ABCA12: variants seen among roughly 807,000 people sequenced by gnomAD.
ABCA12 encodes glucosylceramide transporter ABCA12.
A neutral mutation model predicts 293.5 loss-of-function variants in ABCA12; 156 were observed. That is an observed-to-expected ratio of 0.53 (90% CI 0.47 to 0.61). The LOEUF (loss-of-function observed/expected upper bound fraction) is 0.61, where lower values mean the gene tolerates loss of function less well. ABCA12 is among the 20% of genes least tolerant of loss of function. The pLI, the probability that ABCA12 is intolerant of heterozygous loss-of-function variation, is 0.00. For synonymous variants in ABCA12, 1,063 were observed against 1,108.0 expected, an observed-to-expected ratio of 0.96 and a Z score of 0.81; for missense variants, 2,797 against 3,090.2, an observed-to-expected ratio of 0.91 and a Z score of 2.25.
chr2:214,980,723 A>G, intron 30 of ABCA12, 80 bp from the exon 31 acceptor site: 1 of 1,539,484 alleles, frequency 6.5e-7, no homozygotes, highest in Non-Finnish European at 9.0e-7. Flanking sequence ...GCCAGAGTAA[A>G]TCCTGTGACA....
chr2:215,065,063 C>A (rs1391047255), intron 2 of ABCA12, among the ~76,000 whole-genome samples: 2 of 151,700 alleles, frequency 1.3e-5, no homozygotes, highest in Middle Eastern at 3.4e-3. Flanking sequence ...CAGTAATTTT[C>A]ATAGTGAGGG....
chr2:214,966,202 A>G (rs111811476), intron 39 of ABCA12, among the ~76,000 whole-genome samples: 2,223 of 152,288 alleles, frequency 0.015, 58 homozygotes, highest in African/African-American at 0.051. Flanking sequence ...ACATGGACAC[A>G]TGGTGGGGAA....
rs935973983 is a variant in ABCA12, at chr2:215,012,031, C to G, written c.2061G>C (p.Leu687=). Residue 687 remains leucine, a synonymous_variant, in exon 16 of 53, where the codon CTG becomes CTC. Coordinates refer to ENST00000272895, the MANE Select transcript of ABCA12 (RefSeq NM_173076.3). ...LNQMASGTHP[L]LDKMRSLKQM... ...GCTTCAGGGATCTCATTTTGTCTAG[C>G]AGCGGATGTGTGCCAGAAGCCATCT... The G allele has an allele frequency of 1.2e-6, 2 of 1,613,960 alleles. No homozygotes were observed. Among genetic ancestry groups the G allele is most frequent in the South Asian group, 1.1e-5 (1 of 91,080 alleles).
In ABCA12 at chr2:215,132,493, C is replaced by T. The variant is rs567692658; in HGVS notation, c.69+5647G>A. Among the ~76,000 whole-genome samples the T allele has an allele frequency of 1.1e-4, 16 of 150,526 alleles. No homozygotes were observed. The East Asian group carries it at 2.7e-3, about 26-fold the overall frequency. ...TGAGCCTTTTATCATTACACAATGC[C>T]TTTGTCTTTTTTTTTTAACTGTTGT... On this transcript the variant is annotated intron_variant, in intron 1 of 52. Transcript: ENST00000272895.
intron 11 of ABCA12, among the ~76,000 whole-genome samples, chr2:215,024,324 G>A (rs577280604): frequency 1.3e-5 from 2 of 152,256 alleles, no homozygotes; most frequent in East Asian, 3.9e-4. Context: ...TTTGGGGTAA[G>A]AGGCTATGTC....
At chr2:215,114,823 T>C (rs1303136606) in intron 1 of ABCA12, among the ~76,000 whole-genome samples, 2 of 152,220 alleles carry the variant, frequency 1.3e-5, no homozygotes, top group Admixed American at 1.3e-4. Context: ...AGTTTTGTAT[T>C]TGAGGTCATA....
intron 2 of ABCA12, 141 bp from the exon 3 acceptor site, chr2:215,064,360 TA>T: frequency 1.2e-6 from 1 of 806,118 alleles, no homozygotes; most frequent in South Asian, 1.5e-5. Context: ...ACTCTGCAAC[TA>T]ACACTCACCA....
intron 29 of ABCA12, 132 bp from the exon 30 acceptor site, chr2:214,982,515 G>C (rs1401844779): frequency 4.4e-6 from 3 of 676,900 alleles, no homozygotes; most frequent in East Asian, 5.5e-5. Flanking sequence ...ATAAACTCTT[G>C]AGGATTCATA....
At chr2:215,098,821 A>T (rs754687530) in intron 2 of ABCA12, among the ~76,000 whole-genome samples, 4 of 152,238 alleles carry the variant, frequency 2.6e-5, no homozygotes, top group Non-Finnish European at 5.9e-5. Context: ...TAGCTCAAAA[A>T]CATTTAATGA....
Position 215,136,044 on chromosome 2 carries a change from A to G in ABCA12, c.69+2096T>C, listed in dbSNP as rs1703220014. Among the ~76,000 whole-genome samples the G allele has an allele frequency of 2.0e-5, 3 of 152,118 alleles. 1 individual carries two copies. The highest frequency in any genetic ancestry group is 7.2e-5 in the African/African-American group (3 of 41,510). ...ATAATGGATTCAGGTTGGCCTCTGT[A>G]TTGTCCCAAATTTTGGACTTTCTCT... On this transcript the variant is annotated intron_variant, in intron 1 of 52. Coordinates refer to ENST00000272895, the MANE Select transcript of ABCA12 (RefSeq NM_173076.3).
chr2:215,091,185 AT>A lies in ABCA12; in HGVS notation c.163+20411del, dbSNP rs369454498. Among the ~76,000 whole-genome samples the A allele has an allele frequency of 7.4e-3, 1,127 of 151,774 alleles. 13 individuals carry two copies. The highest frequency in any genetic ancestry group is 0.012 in the Non-Finnish European group (801 of 67,912). On this transcript the variant is annotated intron_variant, in intron 2 of 52. Transcript: ENST00000272895. ...CTCCACCCCAAGCAGAGTCCTCTGA[AT>A]CCTCTTTTTCTATGGGCCCATCTGA...
rs1041808684 is a variant in ABCA12 at position 214,958,399 on chromosome 2, C to T, written c.5995G>A (p.Val1999Ile). 4 of 1,613,822 alleles carry T rather than the reference C, an allele frequency of 2.5e-6. No homozygotes were observed. The highest frequency in any genetic ancestry group is 3.4e-6 in the Non-Finnish European group (4 of 1,179,912). The stretch of plus-strand genomic sequence containing the variant: ...TAGGTGACAAAGCTGGCGGTGGTGA[C>T]AGAGTAGCCCATCAAGATAGACAGT... ...VALSILMGYS[V>I]TTASFVTYVV... The change falls in exon 41 of 53, where the codon GTC becomes ATC. Residue 1999 changes from valine to isoleucine, a missense_variant. This residue lies in a region of ABCA12 where 2,130 missense variants were observed against 2,427.0 expected (regional missense o/e 0.88). Coordinates refer to ENST00000272895, the MANE Select transcript of ABCA12 (RefSeq NM_173076.3).
intron 36 of ABCA12, among the ~76,000 whole-genome samples, chr2:214,973,348 A>G (rs544759688): frequency 1.9e-3 from 294 of 152,318 alleles, no homozygotes; most frequent in Middle Eastern, 6.8e-3. Context: ...ATTAGAAACT[A>G]ATAGTGACCT....
Position 215,037,994 on chromosome 2 carries a change from C to T in ABCA12, c.873-929G>A, listed in dbSNP as rs545281749. ...TTTCTTAGTAAACTCAATGTGTATT[C>T]CAGCAATAGATAGTATTTGTGTACA... On this transcript the variant is annotated intron_variant, in intron 7 of 52. Coordinates refer to ENST00000272895, the MANE Select transcript of ABCA12 (RefSeq NM_173076.3). 2.6e-5 allele frequency among the ~76,000 whole-genome samples: 4 copies of T among 152,036 alleles called. No individual in the cohort carries two copies. In the South Asian group the frequency reaches 6.2e-4, roughly 24 times the overall value.
intron 2 of ABCA12, among the ~76,000 whole-genome samples, chr2:215,097,664 T>C (rs1344138735): frequency 1.3e-5 from 2 of 152,214 alleles, no homozygotes; most frequent in African/African-American, 4.8e-5. Flanking sequence ...TCAGTTGTAT[T>C]TGAGCTAAAA....
At chr2:215,051,508 G>C (rs1701319421) in intron 5 of ABCA12, among the ~76,000 whole-genome samples, 1 of 151,856 alleles carries the variant, frequency 6.6e-6, no homozygotes, top group African/African-American at 2.4e-5. Flanking sequence ...AGTAGCAGTG[G>C]TTATGGTTAC....
intron 28 of ABCA12, among the ~76,000 whole-genome samples, chr2:214,985,249 A>G (rs185395137): frequency 6.6e-6 from 1 of 152,328 alleles, no homozygotes; most frequent in Admixed American, 6.5e-5. Flanking sequence ...CTTATTGCCT[A>G]TTAGAAACAT....
intron 39 of ABCA12, chr2:214,963,129 G>A (rs1243779819): frequency 6.6e-6 from 1 of 151,922 alleles, no homozygotes; most frequent in Non-Finnish European, 1.5e-5. Flanking sequence ...ACGAATCCAG[G>A]AGCTGTTTTT....
At chr2:214,999,731 A>G in intron 22 of ABCA12, 1 of 887,856 alleles carries the variant, frequency 1.1e-6, no homozygotes, top group Non-Finnish European at 1.3e-6. Flanking sequence ...AGTCCCGTCC[A>G]CAACAGCCTC....
Sources: gnomAD v4.1 joint callset for allele counts (sites outside exome capture counted in the v4.1 genomes callset) on GRCh38, gnomAD v4.1.1 for gene constraint, gnomAD v4.1.1 regional missense constraint, MANE v1.5 for transcripts, NCBI Gene and HGNC (gene_info 2026-07-23, HGNC 2026-07-21) for gene names.